Variants in RSPH14 observed in about 807,000 individuals in gnomAD.
The protein encoded by RSPH14 is radial spoke head 14 homolog.
RSPH14 carries 20 observed loss-of-function variants against 26.7 expected under a neutral mutation model. The ratio of observed to expected loss-of-function variants is 0.75; its 90% CI spans 0.53 to 1.09. The LOEUF (loss-of-function observed/expected upper bound fraction) is 1.09. RSPH14 is among the 50% of genes least tolerant of loss of function. The pLI is 0.00. For synonymous variants in RSPH14, 177 were observed against 189.3 expected (o/e 0.93, Z 0.53); for missense variants, 449 against 457.2 (o/e 0.98, Z 0.16).
intron 4 of RSPH14, among the ~76,000 whole-genome samples, chr22:23,121,953 G>C (rs2070041577): frequency 6.6e-6 from 1 of 152,010 alleles, no homozygotes; most frequent in South Asian, 2.1e-4. Context: ...GGCTGGTCTT[G>C]AACTCCTGAC....
chr22:23,173,261 A>G, the RSPH14 span, among the ~76,000 whole-genome samples: 3 of 151,748 alleles, frequency 2.0e-5, no homozygotes, highest in Non-Finnish European at 4.4e-5. Flanking sequence ...CAGCCTCCCA[A>G]ATAGCTGGGA....
chr22:23,157,092 C>T, the RSPH14 span, among the ~76,000 whole-genome samples: 3 of 152,276 alleles, frequency 2.0e-5, no homozygotes, highest in South Asian at 2.1e-4. Flanking sequence ...CCAACAGGAC[C>T]GGGGTGCGGC....
intron 4 of RSPH14, chr22:23,070,264 C>G (rs2068313501): frequency 1.4e-5 from 2 of 147,954 alleles, no homozygotes; most frequent in African/African-American, 2.4e-5. Context: ...CGGCACCCCC[C>G]CGCCCGCGGT....
chr22:23,162,392 T>A, the RSPH14 span: 2 of 345,328 alleles, frequency 5.8e-6, no homozygotes, highest in South Asian at 2.2e-5. Context: ...CCCTTGAACA[T>A]GGCACTGCCC....
chr22:23,104,344 T>C (rs928569913), intron 4 of RSPH14, among the ~76,000 whole-genome samples: 16 of 152,144 alleles, frequency 1.1e-4, no homozygotes, highest in African/African-American at 3.4e-4. Flanking sequence ...CCCAGGACTG[T>C]GTCCCTCCCA....
At chr22:23,152,701 C>G in the RSPH14 span, among the ~76,000 whole-genome samples, 2 of 152,204 alleles carry the variant, frequency 1.3e-5, no homozygotes, top group Non-Finnish European at 2.9e-5. Context: ...GGGGAGATGG[C>G]AGGGCTGGGC....
At chr22:23,108,826 C>A (rs901106943) in intron 4 of RSPH14, among the ~76,000 whole-genome samples, 1 of 152,262 alleles carries the variant, frequency 6.6e-6, no homozygotes, top group African/African-American at 2.4e-5. Context: ...CCTCTGCCTG[C>A]TGGAGAGGTG....
chr22:23,097,586 GT>G (rs1432587866), intron 4 of RSPH14, among the ~76,000 whole-genome samples: 2 of 152,266 alleles, frequency 1.3e-5, no homozygotes, highest in Non-Finnish European at 2.9e-5. Context: ...GCAGGCAGGT[GT>G]GTACGCAGGC....
At chr22:23,129,509 G>A (rs2070256523) in intron 4 of RSPH14, among the ~76,000 whole-genome samples, 1 of 147,436 alleles carries the variant, frequency 6.8e-6, no homozygotes, top group African/African-American at 2.5e-5. Context: ...CATTTTAGAA[G>A]AAAATATGGC....
At chr22:23,135,426 A>G (rs2146443724) in intron 3 of RSPH14, among the ~76,000 whole-genome samples, 1 of 151,216 alleles carries the variant, frequency 6.6e-6, no homozygotes, top group African/African-American at 2.4e-5. Flanking sequence ...CGGGAGGTGG[A>G]GCTTGCAGTG....
At chr22:23,145,599 C>T (rs760059237), upstream of RSPH14, 18 of 1,558,078 alleles carry the variant, frequency 1.2e-5, no homozygotes, top group Admixed American at 2.6e-4. Context: ...CACCCAACCC[C>T]GTGCTGGCAC....
chr22:23,061,973 C>A (rs893155840), intron 5 of RSPH14, 28 bp from the exon 6 acceptor site: 4 of 1,612,988 alleles, frequency 2.5e-6, no homozygotes, highest in Non-Finnish European at 3.4e-6. Context: ...CAGAGAGGGG[C>A]TCTGCTTGGA....
chr22:23,134,067 T>A lies in RSPH14; in HGVS notation c.380A>T (p.Asn127Ile), dbSNP rs776366636. ...LNDPSPVCRGNLYKAYMQLVQ... is the reference protein window; with the variant it reads ...LNDPSPVCRGILYKAYMQLVQ... ...CAGCTGCATGTATGCCTTGTACAGG[T>A]TCCCCCGGCAGACTGGGCTGGGGTC... The change falls in exon 4 of 7, where the codon AAC (asparagine) becomes ATC (isoleucine). Residue 127 changes from asparagine to isoleucine, a missense_variant. Asn to Ile is a moderately radical substitution (Grantham distance 149, BLOSUM62 -3). Coordinates refer to ENST00000216036, the MANE Select transcript of RSPH14 (RefSeq NM_014433.3). The A allele has an allele frequency of 3.1e-6, 5 of 1,613,588 alleles. No individual in the cohort carries two copies. Among genetic ancestry groups the A allele is most frequent in the African/African-American group, 2.7e-5 (2 of 74,872 alleles).
At chr22:23,069,051 G>A (rs2068276249) in intron 4 of RSPH14, among the ~76,000 whole-genome samples, 1 of 152,252 alleles carries the variant, frequency 6.6e-6, no homozygotes, top group Admixed American at 6.5e-5. Context: ...GGTGGCCCAT[G>A]ACCCTGCAGG....
At chr22:23,118,940 C>G (rs2069930475) in intron 4 of RSPH14, among the ~76,000 whole-genome samples, 1 of 152,196 alleles carries the variant, frequency 6.6e-6, no homozygotes, top group Non-Finnish European at 1.5e-5. Flanking sequence ...CCCACAAAGG[C>G]CAGATGGGTG....
At chr22:23,142,135 T>A, upstream of RSPH14, 1 of 653,336 alleles carries the variant, frequency 1.5e-6, no homozygotes, top group Non-Finnish European at 1.9e-6. Context: ...AACAATCATT[T>A]ACAGGGTTGC....
intron 3 of RSPH14, among the ~76,000 whole-genome samples, chr22:23,138,587 G>A (rs910307275): frequency 7.2e-5 from 11 of 152,002 alleles, no homozygotes; most frequent in African/African-American, 2.7e-4. Flanking sequence ...GAAAGAGAGA[G>A]AGAGAGAGCG....
chr22:23,074,796 G>C (rs2068470160), intron 4 of RSPH14, among the ~76,000 whole-genome samples: 1 of 152,192 alleles, frequency 6.6e-6, no homozygotes, highest in African/African-American at 2.4e-5. Flanking sequence ...CAGGTCCCCT[G>C]TGTCAAGCAG....
intron 4 of RSPH14, among the ~76,000 whole-genome samples, chr22:23,094,540 G>T (rs189208851): frequency 3.9e-5 from 6 of 152,190 alleles, no homozygotes; most frequent in Non-Finnish European, 8.8e-5. Context: ...GCAGCACCAC[G>T]TGCAGCCCCC....
Sources: gnomAD v4.1 joint callset for allele counts (sites outside exome capture counted in the v4.1 genomes callset) on GRCh38, gnomAD v4.1.1 for gene constraint, MANE v1.5 for transcripts, NCBI Gene and HGNC (gene_info 2026-07-23, HGNC 2026-07-21) for gene names.